Variants in RAB7A observed in about 807,000 individuals in gnomAD.
RAB7A encodes RAB7A, member RAS oncogene family, also known as ras-related protein Rab-7a.
RAB7A carries 2 observed loss-of-function variants against 24.5 expected under a neutral mutation model. The ratio of observed to expected loss-of-function variants is 0.08; its 90% CI spans 0.03 to 0.26. The LOEUF is 0.26. Ranked by LOEUF, RAB7A falls within the 10% of genes least tolerant of loss-of-function variation. The pLI is 1.00. For synonymous variants in RAB7A, 100 were observed against 95.9 expected (o/e 1.04, Z -0.25); for missense variants, 118 against 255.7 (o/e 0.46, Z 3.67).
intron 1 of RAB7A, among the ~76,000 whole-genome samples, chr3:128,740,387 A>G (rs909000460): frequency 1.3e-5 from 2 of 152,206 alleles, no homozygotes; most frequent in Non-Finnish European, 2.9e-5. Context: ...TTTAATATTT[A>G]TATTTTCCTA....
chr3:128,801,010 T>G (rs1309067007), intron 3 of RAB7A, among the ~76,000 whole-genome samples: 3 of 152,196 alleles, frequency 2.0e-5, no homozygotes, highest in Admixed American at 1.3e-4. Context: ...TCGAGGGCTT[T>G]TAGCAGCTTG....
At chr3:128,763,532 T>C (rs912793704) in intron 1 of RAB7A, among the ~76,000 whole-genome samples, 8 of 152,146 alleles carry the variant, frequency 5.3e-5, no homozygotes, top group African/African-American at 1.9e-4. Flanking sequence ...TATATATTTT[T>C]GACAAGAATA....
intron 1 of RAB7A, among the ~76,000 whole-genome samples, chr3:128,788,645 C>T (rs1357656407): frequency 6.6e-6 from 1 of 152,216 alleles, no homozygotes; most frequent in South Asian, 2.1e-4. Flanking sequence ...TTCACCTCCA[C>T]GTGAGCTGTT....
intron 1 of RAB7A, among the ~76,000 whole-genome samples, chr3:128,763,864 GC>G (rs60251504): frequency 0.024 from 1,964 of 82,572 alleles, 37 homozygotes; most frequent in Non-Finnish European, 0.027. Context: ...TTAGATTCCC[GC>G]CCCCCCCCCC....
chr3:128,764,956 A>C, intron 1 of RAB7A: 18 of 1,596,486 alleles, frequency 1.1e-5, no homozygotes, highest in Non-Finnish European at 1.4e-5. Context: ...CTGGCCGTTG[A>C]TGGCGGCCTC....
rs1161488737 is a variant in RAB7A, at chr3:128,795,211, T to C, written c.-8-149T>C. 1.2e-5 allele frequency: 9 copies of C among 728,388 alleles called. No homozygotes were observed. The African/African-American group carries it at 1.4e-4, about 11-fold the overall frequency. 45.1% of individuals were successfully genotyped at this position (728,388 alleles called of 1,614,324 possible). On this transcript the variant is annotated intron_variant, in intron 1 of 5. Transcript: ENST00000265062. ...GAGTTTTGGTGAGTGATACTGTTTT[T>C]TATCAGTGCCCCCTGGTGGAAGGAA...
At chr3:128,743,267 G>C (rs1250033945) in intron 1 of RAB7A, among the ~76,000 whole-genome samples, 1 of 152,216 alleles carries the variant, frequency 6.6e-6, no homozygotes, top group Non-Finnish European at 1.5e-5. Flanking sequence ...TGGTCCGCGA[G>C]TGCCGCGCGC....
chr3:128,791,892 A>G (rs1269120855), intron 1 of RAB7A, among the ~76,000 whole-genome samples: 1 of 152,028 alleles, frequency 6.6e-6, no homozygotes, highest in Admixed American at 6.6e-5. Context: ...CCTGCCTGCC[A>G]GCTTTGTCTG....
chr3:128,809,882 T>C (rs1196829705), intron 5 of RAB7A, among the ~76,000 whole-genome samples: 1 of 151,138 alleles, frequency 6.6e-6, no homozygotes, highest in Non-Finnish European at 1.5e-5. Flanking sequence ...TGTTCCCTTA[T>C]CTGGACTGTG....
intron 1 of RAB7A, among the ~76,000 whole-genome samples, chr3:128,766,350 A>G (rs529438730): frequency 6.6e-6 from 1 of 152,242 alleles, no homozygotes; most frequent in Non-Finnish European, 1.5e-5. Flanking sequence ...CAGTTATTCA[A>G]CAATAAATTA....
intron 1 of RAB7A, among the ~76,000 whole-genome samples, chr3:128,792,860 T>C (rs62272596): frequency 1.8e-3 from 217 of 120,650 alleles, no homozygotes; most frequent in South Asian, 4.1e-3. Flanking sequence ...TTTATTTATT[T>C]ATTCATTTGA....
intron 1 of RAB7A, among the ~76,000 whole-genome samples, chr3:128,739,743 G>A (rs569086536): frequency 6.6e-6 from 1 of 152,050 alleles, no homozygotes; most frequent in South Asian, 2.1e-4. Context: ...TCCTCTAAAT[G>A]AACATTTCAG....
chr3:128,763,208 A>ATATATATATATATTTTTT (rs373993932), intron 1 of RAB7A, among the ~76,000 whole-genome samples: 4 of 76,062 alleles, frequency 5.3e-5, no homozygotes, highest in African/African-American at 3.3e-4. Context: ...ATATATATAT[A>ATATATATATATATTTTTT]TTTTTTTTTT....
chr3:128,764,661 G>T (rs1446994257), intron 1 of RAB7A: 4 of 898,006 alleles, frequency 4.5e-6, no homozygotes, highest in Non-Finnish European at 7.4e-6. Flanking sequence ...TGGCTAGTTT[G>T]TGCAGTTCCA....
chr3:128,726,511 G>T (rs916927342), intron 1 of RAB7A, among the ~76,000 whole-genome samples, 152 bp downstream of exon 1: 2 of 152,104 alleles, frequency 1.3e-5, no homozygotes, highest in African/African-American at 4.8e-5. Flanking sequence ...TCAGGCCCCC[G>T]GAGCAGGCCA....
At chr3:128,754,931 G>T (rs1166505114) in intron 1 of RAB7A, among the ~76,000 whole-genome samples, 3 of 152,132 alleles carry the variant, frequency 2.0e-5, no homozygotes, top group African/African-American at 4.8e-5. Context: ...GCAGTAGTTG[G>T]GGACTTTAAT....
chr3:128,795,750 G>GTTTTTTTTTTTTTTTTTTTTTTT (rs1491091651), intron 2 of RAB7A, among the ~76,000 whole-genome samples: 3 of 6,872 alleles, frequency 4.4e-4, no homozygotes, highest in Non-Finnish European at 1.2e-3. Context: ...TAGCAGATGT[G>GTTTTTTTTTTTTTTTTTTTTTTT]CTTTTTTTTT....
At chr3:128,739,428 G>C (rs1029242968) in intron 1 of RAB7A, among the ~76,000 whole-genome samples, 2 of 151,786 alleles carry the variant, frequency 1.3e-5, no homozygotes, top group African/African-American at 2.4e-5. Flanking sequence ...CAGGAGAATT[G>C]CTTGAACCTG....
intron 1 of RAB7A, among the ~76,000 whole-genome samples, chr3:128,787,332 C>T (rs145296389): frequency 1.8e-4 from 27 of 152,296 alleles, no homozygotes; most frequent in Admixed American, 3.3e-4. Flanking sequence ...GGTTTTGGAT[C>T]GGGCACAACA....
Sources: allele counts gnomAD v4.1 joint callset (sites outside exome capture counted in the v4.1 genomes callset), GRCh38; gene constraint gnomAD v4.1.1; transcripts MANE v1.5; gene names NCBI Gene and HGNC (gene_info 2026-07-23, HGNC 2026-07-21).